RABGAP1L: variants seen among roughly 807,000 people sequenced by gnomAD.
RABGAP1L encodes rab GTPase-activating protein 1-like.
Under a neutral mutation model 137.7 loss-of-function variants are expected in RABGAP1L, and 63 were observed. The observed-to-expected ratio is 0.46, with a 90% CI of 0.37 to 0.56. RABGAP1L has a LOEUF of 0.56. Among genes scored for constraint, RABGAP1L ranks in the 20% least tolerant of loss-of-function variants. RABGAP1L has a pLI of 0.00. For synonymous variants in RABGAP1L, 431 were observed against 433.7 expected, an observed-to-expected ratio of 0.99 and a Z score of 0.08; for missense variants, 1,095 against 1,244.0, an observed-to-expected ratio of 0.88 and a Z score of 1.80.
At chr1:174,807,429 A>G (rs1221757700) in intron 18 of RABGAP1L, among the ~76,000 whole-genome samples, 2 of 152,234 alleles carry the variant, frequency 1.3e-5, no homozygotes, top group African/African-American at 4.8e-5. Context: ...ACAAGAAAAC[A>G]TCCAATCTTT....
chr1:174,611,144 G>C (rs1470187774), intron 13 of RABGAP1L, among the ~76,000 whole-genome samples: 130 of 148,282 alleles, frequency 8.8e-4, no homozygotes, highest in African/African-American at 2.9e-3. Flanking sequence ...CCTATGTCCT[G>C]AATGGTATTG....
chr1:174,349,971 C>A (rs1682954637), intron 11 of RABGAP1L, among the ~76,000 whole-genome samples: 1 of 133,646 alleles, frequency 7.5e-6, no homozygotes, highest in Admixed American at 7.1e-5. Context: ...CTGACCCCCC[C>A]ATCTCCCTCC....
At chr1:174,553,852 C>T (rs1186903055) in intron 13 of RABGAP1L, among the ~76,000 whole-genome samples, 2 of 152,078 alleles carry the variant, frequency 1.3e-5, no homozygotes, top group Admixed American at 6.6e-5. Context: ...ATTAGCTGGA[C>T]GTGGTGGCAC....
At chr1:174,789,064 A>G (rs1687663515) in intron 18 of RABGAP1L, among the ~76,000 whole-genome samples, 1 of 152,148 alleles carries the variant, frequency 6.6e-6, no homozygotes. Flanking sequence ...TGACTGTTAC[A>G]TAACATGTAT....
At chr1:174,546,217 A>G (rs1055986571) in intron 13 of RABGAP1L, among the ~76,000 whole-genome samples, 1 of 152,184 alleles carries the variant, frequency 6.6e-6, no homozygotes, top group Non-Finnish European at 1.5e-5. Flanking sequence ...GAAAAATTTC[A>G]CATCTTTAGA....
intron 18 of RABGAP1L, among the ~76,000 whole-genome samples, chr1:174,811,456 A>G (rs183859218): frequency 6.6e-6 from 1 of 152,324 alleles, no homozygotes; most frequent in Non-Finnish European, 1.5e-5. Flanking sequence ...TATCCTTAAA[A>G]TGTTCATTGA....
intron 19 of RABGAP1L, among the ~76,000 whole-genome samples, chr1:174,890,901 T>C (rs1238182939): frequency 6.6e-6 from 1 of 152,234 alleles, no homozygotes; most frequent in East Asian, 1.9e-4. Context: ...AGTGTGTAGG[T>C]TGTTTTCAAT....
intron 19 of RABGAP1L, among the ~76,000 whole-genome samples, chr1:174,903,690 C>A (rs1366482960): frequency 6.6e-6 from 1 of 152,038 alleles, no homozygotes; most frequent in Non-Finnish European, 1.5e-5. Flanking sequence ...GGTACTAACG[C>A]CTGTAATCCC....
Position 174,622,275 on chromosome 1 carries a change from C to G in RABGAP1L, c.1711-15100C>G, listed in dbSNP as rs192455304. Among the ~76,000 whole-genome samples, 18 of 152,280 alleles carry G rather than the reference C, an allele frequency of 1.2e-4. No individual in the cohort carries two copies. In the East Asian group the frequency reaches 3.5e-3, roughly 29 times the overall value. On this transcript the variant is annotated intron_variant, in intron 13 of 25. Transcript: ENST00000681986. ...TTGGTGGGACTGTAAACTAGTTCAA[C>G]CATTGTGGAAGTCAGTGTGGTGATT...
intron 18 of RABGAP1L, among the ~76,000 whole-genome samples, chr1:174,783,707 C>CTTTTTTTTT (rs34367315): frequency 3.4e-4 from 35 of 102,456 alleles, no homozygotes; most frequent in South Asian, 9.9e-4. Flanking sequence ...TCTTCTTCTT[C>CTTTTTTTTT]TTTTTTTTTT....
intron 13 of RABGAP1L, among the ~76,000 whole-genome samples, chr1:174,437,754 A>G (rs1025195703): frequency 6.6e-6 from 1 of 152,206 alleles, no homozygotes; most frequent in Non-Finnish European, 1.5e-5. Flanking sequence ...AGCAACTCCA[A>G]GACACATAAT....
At position 174,293,580 on chromosome 1, in the gene RABGAP1L, A is replaced by G. The variant is rs1025611549; in HGVS notation, c.1324-11406A>G. On this transcript the variant is annotated intron_variant, in intron 10 of 25. Coordinates refer to ENST00000681986, the MANE Select transcript of RABGAP1L (RefSeq NM_001366446.1). ...ATTGTCCTTATTGGTAGTGACTTTA[A>G]TAAGATTCTTTCCTTTAGTCTAGGT... Among the ~76,000 whole-genome samples the G allele has an allele frequency of 4.9e-4, 75 of 152,290 alleles. 1 individual carries two copies. Among genetic ancestry groups the G allele is most frequent in the African/African-American group, 1.7e-3 (72 of 41,568 alleles).
chr1:174,401,443 A>G (rs1430808233), intron 13 of RABGAP1L, among the ~76,000 whole-genome samples: 1 of 152,236 alleles, frequency 6.6e-6, no homozygotes, highest in Non-Finnish European at 1.5e-5. Flanking sequence ...GGAAAATTAT[A>G]AAGCAATATA....
intron 13 of RABGAP1L, among the ~76,000 whole-genome samples, chr1:174,557,799 T>G (rs886837348): frequency 6.6e-5 from 10 of 152,220 alleles, no homozygotes; most frequent in African/African-American, 2.4e-4. Flanking sequence ...GGATATACAT[T>G]GGAAAAGAAC....
intron 20 of RABGAP1L, among the ~76,000 whole-genome samples, chr1:174,961,639 G>A (rs577382314): frequency 6.7e-5 from 10 of 149,412 alleles, no homozygotes; most frequent in African/African-American, 2.2e-4. Context: ...GAGGTCAGGA[G>A]TTCCAGACCA....
intron 11 of RABGAP1L, among the ~76,000 whole-genome samples, chr1:174,319,287 G>A (rs980624282): frequency 4.6e-5 from 7 of 152,004 alleles, no homozygotes; most frequent in Non-Finnish European, 8.8e-5. Context: ...AGTACTTCTT[G>A]TTATTAATAT....
intron 7 of RABGAP1L, among the ~76,000 whole-genome samples, chr1:174,266,370 A>T (rs1374315436): frequency 6.6e-6 from 1 of 152,182 alleles, no homozygotes; most frequent in Non-Finnish European, 1.5e-5. Flanking sequence ...GATAATCAGA[A>T]GTAAGTAACC....
At chr1:174,580,243 G>A (rs1284569554) in intron 13 of RABGAP1L, among the ~76,000 whole-genome samples, 3 of 152,282 alleles carry the variant, frequency 2.0e-5, no homozygotes, top group South Asian at 4.1e-4. Flanking sequence ...GATAAAGATT[G>A]AGTATTCAGC....
intron 18 of RABGAP1L, chr1:174,800,647 T>C: frequency 8.1e-7 from 1 of 1,230,354 alleles, no homozygotes. Flanking sequence ...GTGGCCACTG[T>C]TGTGCAGCTC....
Sources: gnomAD v4.1 joint callset for allele counts (sites outside exome capture counted in the v4.1 genomes callset) on GRCh38, gnomAD v4.1.1 for gene constraint, MANE v1.5 for transcripts, NCBI Gene and HGNC (gene_info 2026-07-23, HGNC 2026-07-21) for gene names.